Variants in RASSF8 observed in about 807,000 individuals in gnomAD.
RASSF8 encodes the protein Ras association domain family member 8.
In RASSF8, 22 loss-of-function variants were observed where a neutral mutation model predicts 48.5. The observed-to-expected ratio is 0.45, with a 90% CI of 0.32 to 0.65. The LOEUF (loss-of-function observed/expected upper bound fraction) is 0.65. Ranked by LOEUF, RASSF8 falls within the 30% of genes least tolerant of loss-of-function variation. The probability of loss-of-function intolerance (pLI) is 0.03; values close to 1 mark genes in which losing one functional copy is unlikely to be tolerated. For missense variants in RASSF8, 418 were observed against 489.2 expected (o/e 0.85, Z 1.37); for synonymous variants, 127 against 171.5 (o/e 0.74, Z 2.03).
chr12:26,027,800 G>A (rs985832715), intron 2 of RASSF8, among the ~76,000 whole-genome samples: 5 of 152,130 alleles, frequency 3.3e-5, no homozygotes, highest in African/African-American at 9.7e-5. Flanking sequence ...GGGAGAGAGG[G>A]GATAGAATGA....
chr12:26,028,626 C>T (rs1475526334), intron 2 of RASSF8, among the ~76,000 whole-genome samples: 1 of 152,170 alleles, frequency 6.6e-6, no homozygotes, highest in East Asian at 1.9e-4. Context: ...GAATTGGGCC[C>T]TCTTAACTAA....
chr12:25,991,027 G>A (rs1255358736), intron 1 of RASSF8, among the ~76,000 whole-genome samples: 9 of 152,008 alleles, frequency 5.9e-5, no homozygotes, highest in Non-Finnish European at 4.4e-5. Context: ...TAAATAACCA[G>A]AGCAATAAAC....
In RASSF8 at chr12:26,030,647, CTTCT is replaced by C. The variant is rs373446885; in HGVS notation, c.-108-24582_-108-24579del. ...TGTTAGTCAAGTGAATAATATTTAA[CTTCT>C]TTCTTTTCAAACCAAATAGACATCC... On this transcript the variant is annotated intron_variant, in intron 2 of 5. Coordinates refer to ENST00000689635, the MANE Select transcript of RASSF8 (RefSeq NM_001394098.1). Among the ~76,000 whole-genome samples the C allele has an allele frequency of 9.3e-3, 1,417 of 151,978 alleles. 28 individuals are homozygous for C. The highest frequency in any genetic ancestry group is 0.033 in the African/African-American group (1,358 of 41,498).
rs1359960278 is a variant in RASSF8 at position 26,069,382 on chromosome 12, T to C, written c.*564T>C. ...CAGGAAGCCACTTGCATTTGTTTTG[T>C]GAAACTGTCCTAGCCATTGCTTAAT... On this transcript the variant is annotated 3_prime_UTR_variant, in exon 6 of 6. Coordinates refer to ENST00000689635, the MANE Select transcript of RASSF8 (RefSeq NM_001394098.1). 9.1e-6 allele frequency: 9 copies of C among 985,072 alleles called. No homozygotes were observed. The highest frequency in any genetic ancestry group is 1.1e-5 in the Non-Finnish European group (9 of 829,696). 61.0% of individuals were successfully genotyped at this position (985,072 alleles called of 1,614,324 possible). A position where few individuals can be genotyped will look rare whatever the true frequency, so the allele number is the denominator to read the frequency against.
intron 2 of RASSF8, among the ~76,000 whole-genome samples, chr12:26,018,502 A>T (rs935563418): frequency 6.6e-6 from 1 of 152,228 alleles, no homozygotes; most frequent in African/African-American, 2.4e-5. Flanking sequence ...AATGTGGATC[A>T]CAGCATTAGT....
chr12:26,019,563 C>CTGTGTGTGTG (rs56895234), intron 2 of RASSF8, among the ~76,000 whole-genome samples: 151 of 148,308 alleles, frequency 1.0e-3, no homozygotes, highest in African/African-American at 3.4e-3. Flanking sequence ...CGGGCATACA[C>CTGTGTGTGTG]TGTGTGTGTG....
chr12:26,017,515 G>A (rs1339378157), intron 2 of RASSF8, among the ~76,000 whole-genome samples: 2 of 152,204 alleles, frequency 1.3e-5, no homozygotes, highest in African/African-American at 2.4e-5. Context: ...GTTGGAGAGG[G>A]CCTGGCTCAG....
Position 25,985,817 on chromosome 12 carries a change from T to G in RASSF8, c.-202-9220T>G, listed in dbSNP as rs141226383. ...GGCTAAAGGCAGTGTGTGGTGTGGTTAGGAGCACAGATTGCAGCAGACAGG... is the reference window on the plus strand; with the variant it reads ...GGCTAAAGGCAGTGTGTGGTGTGGTGAGGAGCACAGATTGCAGCAGACAGG... On this transcript the variant is annotated intron_variant, in intron 1 of 5. Transcript: ENST00000689635. 9.3e-4 allele frequency among the ~76,000 whole-genome samples: 142 copies of G among 152,248 alleles called. 1 individual carries two copies. In the East Asian group the frequency reaches 0.021, roughly 23 times the overall value.
rs1160999065 is a variant in RASSF8, at chr12:26,070,754, G to GA, written c.*1941dup. On this transcript the variant is annotated 3_prime_UTR_variant, in exon 6 of 6. Coordinates refer to ENST00000689635, the MANE Select transcript of RASSF8 (RefSeq NM_001394098.1). ...GAGAAATCAAGATCTTATTCACAAA[G>GA]AAAAACATTTTATAAATTGATCGCA... The GA allele has an allele frequency of 1.8e-5, 18 of 975,658 alleles. No homozygotes were observed. Among genetic ancestry groups the GA allele is most frequent in the Non-Finnish European group, 2.2e-5 (18 of 821,376 alleles). The allele number at this position is 975,658 out of a possible 1,614,324, so 60.4% of individuals were successfully genotyped here.
chr12:26,005,012 A>G (rs1398135159), intron 2 of RASSF8, among the ~76,000 whole-genome samples: 1 of 152,122 alleles, frequency 6.6e-6, no homozygotes, highest in Admixed American at 6.5e-5. Context: ...AAAAAATGGA[A>G]GTTATGAAAT....
chr12:26,060,380 A>G (rs1443809871), intron 3 of RASSF8, among the ~76,000 whole-genome samples: 2 of 152,156 alleles, frequency 1.3e-5, no homozygotes, highest in Admixed American at 6.6e-5. Flanking sequence ...TTATTCTAAG[A>G]TATACTGTGG....
At chr12:26,042,477 GT>G (rs1207887640) in intron 2 of RASSF8, among the ~76,000 whole-genome samples, 3 of 152,132 alleles carry the variant, frequency 2.0e-5, no homozygotes, top group African/African-American at 2.4e-5. Context: ...TAAAACCTGA[GT>G]TTGTAGGGTG....
At chr12:26,049,767 C>A (rs1168546232) in intron 2 of RASSF8, among the ~76,000 whole-genome samples, 1 of 152,128 alleles carries the variant, frequency 6.6e-6, no homozygotes, top group Non-Finnish European at 1.5e-5. Context: ...AAAGTTTATC[C>A]TAAGGAAAAG....
intron 1 of RASSF8, among the ~76,000 whole-genome samples, chr12:25,974,951 A>G: frequency 6.6e-6 from 1 of 152,170 alleles, no homozygotes; most frequent in Admixed American, 6.5e-5. Flanking sequence ...AACAATAAGA[A>G]CCAATCTTAT....
intron 2 of RASSF8, among the ~76,000 whole-genome samples, chr12:26,041,737 A>T (rs893314393): frequency 2.6e-5 from 4 of 152,194 alleles, no homozygotes; most frequent in African/African-American, 9.6e-5. Flanking sequence ...TAAAATGGAA[A>T]CATAGGACAA....
intron 1 of RASSF8, among the ~76,000 whole-genome samples, chr12:25,987,057 C>T (rs1183808): frequency 0.012 from 1,768 of 152,262 alleles, 40 homozygotes; most frequent in African/African-American, 0.041. Context: ...GCCTCAGCCT[C>T]CTGAGTAGCT....
chr12:25,963,309 C>A (rs1367666813), intron 1 of RASSF8, among the ~76,000 whole-genome samples: 2 of 125,256 alleles, frequency 1.6e-5, no homozygotes, highest in Non-Finnish European at 3.3e-5. Flanking sequence ...CTAAAGCATT[C>A]CTTGTTTTAG....
intron 2 of RASSF8, among the ~76,000 whole-genome samples, chr12:25,996,951 T>C (rs564130696): frequency 6.6e-6 from 1 of 152,302 alleles, no homozygotes; most frequent in Non-Finnish European, 1.5e-5. Flanking sequence ...ACTGTAAAAC[T>C]ATCTTAAGTT....
At chr12:26,049,720 C>T (rs1358401239) in intron 2 of RASSF8, among the ~76,000 whole-genome samples, 3 of 152,154 alleles carry the variant, frequency 2.0e-5, no homozygotes, top group Non-Finnish European at 2.9e-5. Context: ...ATTTGATGCT[C>T]AATGAAAAAC....
Sources: gnomAD v4.1 joint callset for allele counts (sites outside exome capture counted in the v4.1 genomes callset) on GRCh38, gnomAD v4.1.1 for gene constraint, MANE v1.5 for transcripts, NCBI Gene and HGNC (gene_info 2026-07-23, HGNC 2026-07-21) for gene names.